The following CHODL variants were observed in gnomAD, a reference collection of about 807,000 sequenced individuals.
CHODL encodes the protein chondrolectin, also known as transmembrane protein MT75.
CHODL carries 29 observed loss-of-function variants against 34.5 expected under a neutral mutation model. The observed-to-expected ratio is 0.84, with a 90% CI of 0.63 to 1.15. The LOEUF (loss-of-function observed/expected upper bound fraction) is 1.15, where lower values mean the gene tolerates loss of function less well. Among genes scored for constraint, CHODL ranks in the 50% most tolerant of loss-of-function variants. The probability of loss-of-function intolerance (pLI) is 0.00; values close to 1 mark genes in which losing one functional copy is unlikely to be tolerated. For missense variants in CHODL, 332 were observed against 332.5 expected (o/e 1.00, Z 0.01); for synonymous variants, 125 against 116.1 (o/e 1.08, Z -0.49).
chr21:18,029,902 C>T (rs2064227210), intron 2 of CHODL, among the ~76,000 whole-genome samples: 2 of 152,116 alleles, frequency 1.3e-5, no homozygotes, highest in Non-Finnish European at 2.9e-5. Context: ...ATTGCAGCCA[C>T]ATCATCTCTG....
intron 2 of CHODL, among the ~76,000 whole-genome samples, chr21:18,165,711 T>C (rs2073144672): frequency 6.6e-6 from 1 of 152,222 alleles, no homozygotes; most frequent in African/African-American, 2.4e-5. Flanking sequence ...TAGTTTTATT[T>C]ATCAAGAGAG....
intron 2 of CHODL, among the ~76,000 whole-genome samples, chr21:18,150,867 T>C (rs975801399): frequency 1.3e-5 from 2 of 151,852 alleles, no homozygotes; most frequent in African/African-American, 4.8e-5. Context: ...GGGTGGATCA[T>C]GAGGTCAGGA....
At chr21:18,045,681 A>C (rs564618693) in intron 2 of CHODL, among the ~76,000 whole-genome samples, 1 of 152,110 alleles carries the variant, frequency 6.6e-6, no homozygotes, top group South Asian at 2.1e-4. Context: ...GTTCATGTTG[A>C]AACTGAATCC....
chr21:17,936,934 C>T (rs928767762), intron 1 of CHODL, among the ~76,000 whole-genome samples: 8 of 151,752 alleles, frequency 5.3e-5, no homozygotes, highest in Non-Finnish European at 1.0e-4. Context: ...ATTAGCTGGG[C>T]GTGGTGGTGG....
At chr21:18,014,333 T>A (rs1259672210) in intron 1 of CHODL, among the ~76,000 whole-genome samples, 2 of 152,132 alleles carry the variant, frequency 1.3e-5, no homozygotes, top group Non-Finnish European at 2.9e-5. Context: ...CACAGCAACA[T>A]GGATGAAGCT....
chr21:18,133,869 T>C (rs1031359134), intron 2 of CHODL, among the ~76,000 whole-genome samples: 2 of 152,220 alleles, frequency 1.3e-5, no homozygotes, highest in Admixed American at 1.3e-4. Flanking sequence ...GAGTCCCATC[T>C]CTTCTGCCAG....
chr21:17,986,272 C>T (rs373150937), intron 1 of CHODL, among the ~76,000 whole-genome samples: 16 of 152,118 alleles, frequency 1.1e-4, no homozygotes, highest in African/African-American at 3.1e-4. Flanking sequence ...CCCATCAACC[C>T]GTCACCTAAA....
intron 1 of CHODL, chr21:18,246,064 T>A: frequency 2.4e-6 from 2 of 824,256 alleles, no homozygotes; most frequent in South Asian, 1.4e-5. Context: ...TTTTTTTGAC[T>A]CTCACTGTCC....
intron 1 of CHODL, among the ~76,000 whole-genome samples, chr21:17,952,194 CAAAAA>C (rs58511535): frequency 1.2e-5 from 1 of 80,364 alleles, no homozygotes; most frequent in Non-Finnish European, 2.3e-5. Flanking sequence ...TACTATGTCT[CAAAAA>C]AAAAAAAAAA....
At chr21:18,135,478 T>C (rs1177191813) in intron 2 of CHODL, among the ~76,000 whole-genome samples, 1 of 152,158 alleles carries the variant, frequency 6.6e-6, no homozygotes, top group Non-Finnish European at 1.5e-5. Flanking sequence ...AATTATCTTT[T>C]TCCAGCTCCA....
chr21:18,212,190 G>T (rs543255772), intron 2 of CHODL, among the ~76,000 whole-genome samples: 1 of 152,036 alleles, frequency 6.6e-6, no homozygotes, highest in East Asian at 1.9e-4. Context: ...AAATCCAATC[G>T]ATATCAGTCT....
chr21:17,997,266 C>A (rs369083718), intron 1 of CHODL, among the ~76,000 whole-genome samples: 1 of 152,330 alleles, frequency 6.6e-6, no homozygotes, highest in Non-Finnish European at 1.5e-5. Context: ...AAGCTGCAAT[C>A]CAAAACCTGT....
At chr21:18,163,831 C>G (rs2073124535) in intron 2 of CHODL, among the ~76,000 whole-genome samples, 1 of 152,086 alleles carries the variant, frequency 6.6e-6, no homozygotes, top group South Asian at 2.1e-4. Context: ...AGAGAAGCCT[C>G]AAAACTTAGC....
intron 1 of CHODL, among the ~76,000 whole-genome samples, chr21:17,986,387 T>C (rs2063753949): frequency 1.3e-5 from 2 of 151,736 alleles, no homozygotes; most frequent in South Asian, 2.1e-4. Flanking sequence ...ATTGTTCAAC[T>C]CCCACTTATG....
intron 2 of CHODL, among the ~76,000 whole-genome samples, chr21:18,165,345 T>G (rs2073139892): frequency 6.6e-6 from 1 of 152,262 alleles, no homozygotes; most frequent in Non-Finnish European, 1.5e-5. Flanking sequence ...ATCATGTGAT[T>G]CATCATTTTA....
rs938809811 is a variant in CHODL at position 18,251,418 on chromosome 21, A to C, written c.80-5091A>C. 4.9e-4 allele frequency among the ~76,000 whole-genome samples: 64 copies of C among 129,684 alleles called. 1 individual carries two copies. Among genetic ancestry groups the C allele is most frequent in the Non-Finnish European group, 8.5e-4 (53 of 62,150 alleles). The allele number at this position is 129,684 out of a possible 152,430, so 85.1% of individuals were successfully genotyped here. On this transcript the variant is annotated intron_variant, in intron 1 of 5. Transcript: ENST00000299295. ...AATATATAAAATATGTATTTTATTT[A>C]TTTTATTTATTTATTTTAATATATA... is the stretch of plus-strand genomic sequence containing the variant.
At chr21:18,115,785 C>G (rs368970841) in intron 2 of CHODL, among the ~76,000 whole-genome samples, 13 of 152,258 alleles carry the variant, frequency 8.5e-5, no homozygotes, top group African/African-American at 3.1e-4. Context: ...CACTCCTTAT[C>G]CTGCGGATTT....
At chr21:18,125,913 T>C (rs1652935960) in intron 2 of CHODL, among the ~76,000 whole-genome samples, 1 of 152,214 alleles carries the variant, frequency 6.6e-6, no homozygotes, top group South Asian at 2.1e-4. Flanking sequence ...TTTGAAAGAA[T>C]TTCCAATACA....
At chr21:18,007,091 G>C (rs1347093974) in intron 1 of CHODL, among the ~76,000 whole-genome samples, 1 of 149,826 alleles carries the variant, frequency 6.7e-6, no homozygotes, top group Non-Finnish European at 1.5e-5. Context: ...TGTGTACTTA[G>C]GAGAGGTTCA....
Sources: allele counts gnomAD v4.1 joint callset (sites outside exome capture counted in the v4.1 genomes callset), GRCh38; gene constraint gnomAD v4.1.1; transcripts MANE v1.5; gene names NCBI Gene and HGNC (gene_info 2026-07-23, HGNC 2026-07-21).